The following ULK4 variants were observed in gnomAD, a reference collection of about 807,000 sequenced individuals.
The protein encoded by ULK4 is unc-51 like kinase 4.
A neutral mutation model predicts 160.6 loss-of-function variants in ULK4; 133 were observed. The ratio of observed to expected loss-of-function variants is 0.83; its 90% confidence interval spans 0.72 to 0.96. The LOEUF is 0.96. Ranked by LOEUF, ULK4 falls within the 40% of genes least tolerant of loss-of-function variation. ULK4 has a pLI of 0.00. For missense variants in ULK4, 1,580 were observed against 1,499.5 expected, an observed-to-expected ratio of 1.05 and a Z score of -0.89; for synonymous variants, 534 against 539.8, an observed-to-expected ratio of 0.99 and a Z score of 0.15.
intron 35 of ULK4, among the ~76,000 whole-genome samples, chr3:41,280,668 G>A (rs2079334013): frequency 6.6e-6 from 1 of 152,182 alleles, no homozygotes; most frequent in Admixed American, 6.5e-5. Context: ...AGTGTGTAGA[G>A]GGAAATTTAT....
At chr3:41,596,123 G>A (rs1214528739) in intron 31 of ULK4, among the ~76,000 whole-genome samples, 3 of 152,162 alleles carry the variant, frequency 2.0e-5, no homozygotes, top group Non-Finnish European at 4.4e-5. Context: ...AAAGAAAGAC[G>A]GGAGTATGAG....
intron 35 of ULK4, among the ~76,000 whole-genome samples, chr3:41,318,008 T>G (rs1476229868): frequency 6.6e-6 from 1 of 152,212 alleles, no homozygotes; most frequent in Non-Finnish European, 1.5e-5. Context: ...ATTGACCCTT[T>G]AAACTAATCG....
At chr3:41,895,978 C>T (rs1185153799) in intron 15 of ULK4, among the ~76,000 whole-genome samples, 1 of 152,106 alleles carries the variant, frequency 6.6e-6, no homozygotes, top group Admixed American at 6.6e-5. Flanking sequence ...CCAATCGATG[C>T]TTAAACATGA....
At chr3:41,792,434 G>A (rs1559555979) in intron 20 of ULK4, among the ~76,000 whole-genome samples, 1 of 152,040 alleles carries the variant, frequency 6.6e-6, no homozygotes, top group Admixed American at 6.6e-5. Context: ...ATCATTTGAA[G>A]TGATGTCCTT....
intron 35 of ULK4, among the ~76,000 whole-genome samples, chr3:41,290,817 T>C (rs924682748): frequency 6.6e-6 from 1 of 152,236 alleles, no homozygotes; most frequent in Non-Finnish European, 1.5e-5. Flanking sequence ...TGTTCCTGCC[T>C]GTATGCAGGA....
At chr3:41,609,787 C>T (rs190642893) in intron 31 of ULK4, among the ~76,000 whole-genome samples, 53 of 152,158 alleles carry the variant, frequency 3.5e-4, no homozygotes, top group South Asian at 4.1e-4. Context: ...GCCTGGTGAA[C>T]ATAGCAAGAC....
chr3:41,594,393 A>C (rs1243619709), intron 31 of ULK4, among the ~76,000 whole-genome samples: 1 of 152,038 alleles, frequency 6.6e-6, no homozygotes, highest in Non-Finnish European at 1.5e-5. Flanking sequence ...TTTTTTAATT[A>C]GCTGGGCATG....
At chr3:41,754,251 A>C in intron 22 of ULK4, 110 bp downstream of exon 22, 1 of 1,265,276 alleles carries the variant, frequency 7.9e-7, no homozygotes. Context: ...CCCTGGAAAA[A>C]CTCTTAAAAA....
At chr3:41,390,418 G>A (rs1407055979) in intron 35 of ULK4, among the ~76,000 whole-genome samples, 2 of 152,104 alleles carry the variant, frequency 1.3e-5, no homozygotes, top group African/African-American at 4.8e-5. Flanking sequence ...GCTTTCGAAT[G>A]TGTTTGCTCT....
At chr3:41,590,127 C>A (rs1003334763) in intron 31 of ULK4, among the ~76,000 whole-genome samples, 2 of 151,724 alleles carry the variant, frequency 1.3e-5, no homozygotes, top group African/African-American at 4.8e-5. Flanking sequence ...CTCAGCCACC[C>A]AAGTAGCTGG....
chr3:41,584,681 A>G (rs1350658660), intron 31 of ULK4, among the ~76,000 whole-genome samples: 1 of 152,206 alleles, frequency 6.6e-6, no homozygotes, highest in Non-Finnish European at 1.5e-5. Flanking sequence ...CACACTAAAA[A>G]TAGGGTACTT....
In ULK4 at chr3:41,590,386, C is replaced by T. The variant is rs561476283; in HGVS notation, c.3121-24256G>A. ...ATCCCAGCACTTAGGGAGGCTGAGG[C>T]GGGTGGATCACCTGAGGCCAGGAGT... On this transcript the variant is annotated intron_variant, in intron 31 of 36. Coordinates refer to ENST00000301831, the MANE Select transcript of ULK4 (RefSeq NM_017886.4). Among the ~76,000 whole-genome samples, 362 of 139,444 alleles carry T rather than the reference C, an allele frequency of 2.6e-3. 1 individual carries two copies. The highest frequency in any genetic ancestry group is 4.8e-3 in the South Asian group (20 of 4,196). 91.5% of individuals were successfully genotyped at this position (139,444 alleles called of 152,430 possible). A position where few individuals can be genotyped will look rare whatever the true frequency, so the allele number is the denominator to read the frequency against.
intron 32 of ULK4, among the ~76,000 whole-genome samples, chr3:41,474,471 C>A (rs567530820): frequency 6.6e-6 from 1 of 151,948 alleles, no homozygotes; most frequent in Non-Finnish European, 1.5e-5. Context: ...TTAGATTTGA[C>A]CTCAAAAGTG....
At chr3:41,481,581 A>G (rs923912886) in intron 32 of ULK4, among the ~76,000 whole-genome samples, 8 of 152,092 alleles carry the variant, frequency 5.3e-5, no homozygotes, top group African/African-American at 7.2e-5. Context: ...TAATCCCAGC[A>G]CTTTGGGAGG....
intron 35 of ULK4, among the ~76,000 whole-genome samples, chr3:41,283,896 T>C (rs1266628445): frequency 3.3e-5 from 5 of 152,092 alleles, no homozygotes; most frequent in African/African-American, 1.2e-4. Flanking sequence ...TCAGTAGCTC[T>C]TCTATACACC....
intron 32 of ULK4, among the ~76,000 whole-genome samples, chr3:41,471,727 C>T (rs2083996472): frequency 6.6e-6 from 1 of 151,568 alleles, no homozygotes; most frequent in South Asian, 2.1e-4. Context: ...TTGACAAATA[C>T]ATGAAAAACA....
At chr3:41,369,420 G>A (rs2081317499) in intron 35 of ULK4, among the ~76,000 whole-genome samples, 3 of 151,968 alleles carry the variant, frequency 2.0e-5, no homozygotes, top group African/African-American at 7.3e-5. Flanking sequence ...CCTGAGCTTG[G>A]GAGGTCAAGG....
intron 19 of ULK4, among the ~76,000 whole-genome samples, chr3:41,818,609 AC>A (rs1198825523): frequency 6.6e-6 from 1 of 152,188 alleles, no homozygotes; most frequent in Non-Finnish European, 1.5e-5. Context: ...AAGAGTTCAA[AC>A]TTTTCTTCTG....
intron 2 of ULK4, among the ~76,000 whole-genome samples, chr3:41,952,417 AC>A (rs1464985785): frequency 6.6e-6 from 1 of 152,226 alleles, no homozygotes; most frequent in Non-Finnish European, 1.5e-5. Context: ...AAAAGAATAG[AC>A]ATTTCTCCAA....
Sources: gnomAD v4.1 joint callset for allele counts (sites outside exome capture counted in the v4.1 genomes callset) on GRCh38, gnomAD v4.1.1 for gene constraint, MANE v1.5 for transcripts, NCBI Gene and HGNC (gene_info 2026-07-23, HGNC 2026-07-21) for gene names.